NPAS2: variants seen among roughly 807,000 people sequenced by gnomAD.
NPAS2 encodes neuronal PAS domain-containing protein 2.
Under a neutral mutation model 107.5 loss-of-function variants are expected in NPAS2, and 23 were observed. The ratio of observed to expected loss-of-function variants is 0.21; its 90% CI spans 0.15 to 0.30. The LOEUF (loss-of-function observed/expected upper bound fraction) is 0.30. NPAS2 is among the 10% of genes least tolerant of loss of function. NPAS2 has a pLI of 1.00. For missense variants in NPAS2, 756 were observed against 1,043.3 expected (o/e 0.72, Z 3.79); for synonymous variants, 403 against 417.5 (o/e 0.97, Z 0.42).
At chr2:100,995,272 C>A in intron 20 of NPAS2, 128 bp from the exon 21 acceptor site, 1 of 773,572 alleles carries the variant, frequency 1.3e-6, no homozygotes, top group Non-Finnish European at 2.0e-6. Context: ...CCTCTCCCCA[C>A]ATGACCCCCC....
At chr2:100,889,073 ATGGACATTGAGAAAC>A (rs376812358) in intron 1 of NPAS2, among the ~76,000 whole-genome samples, 1 of 152,374 alleles carries the variant, frequency 6.6e-6, no homozygotes, top group African/African-American at 2.4e-5. Flanking sequence ...GAATATCTGA[ATGGACATTGAGAAAC>A]TGGAGATTTC....
intron 1 of NPAS2, among the ~76,000 whole-genome samples, chr2:100,822,375 G>A (rs1176140302): frequency 6.6e-6 from 1 of 152,058 alleles, no homozygotes; most frequent in Non-Finnish European, 1.5e-5. Flanking sequence ...AACAGTTTGG[G>A]CCCTTTAAAA....
At position 100,988,182 on chromosome 2, in the gene NPAS2, A is replaced by T. The variant is rs1487854359; in HGVS notation, c.1733A>T (p.Gln578Leu). 6.2e-7 allele frequency: 1 copy of T among 1,614,064 alleles called. No homozygotes were observed. The highest frequency in any genetic ancestry group is 1.3e-5 in the African/African-American group (1 of 74,932). ...AGGTCAGCTGCAGTGACTCAGCCCC[A>T]GCTCGGGGCGGGCCCCCAACTTCCA... The part of the protein sequence containing the change: ...QQRSAAVTQP[Q>L]LGAGPQLPGQ... Residue 578 changes from glutamine to leucine, a missense_variant, in exon 17 of 21, where the codon CAG becomes CTG. Transcript: ENST00000335681.
rs1184222829 is a variant in NPAS2, at chr2:100,965,654, G to C, written c.801-6G>C. 1 of 1,607,726 alleles carries C rather than the reference G, an allele frequency of 6.2e-7. No homozygotes were observed. The highest frequency in any genetic ancestry group is 1.7e-5 in the Admixed American group (1 of 59,982). ...CTGATGACAAGTCCTCCTTGTCCTT[G>C]TGCAGAGCACCTCCAATCATAGGAT... On this transcript the variant is annotated splice_polypyrimidine_tract_variant and splice_region_variant and intron_variant, in intron 9 of 20. Transcript: ENST00000335681. This position sits in a 1 kb window ranked among gnomAD's most constrained non-coding sequence, Gnocchi z 4.3.
intron 1 of NPAS2, among the ~76,000 whole-genome samples, chr2:100,895,057 C>A (rs188163727): frequency 6.6e-6 from 1 of 152,294 alleles, no homozygotes; most frequent in Non-Finnish European, 1.5e-5. Context: ...TTATCACTAG[C>A]TAGTCCAGTA....
Position 100,959,105 on chromosome 2 carries a change from A to C in NPAS2, c.599-4953A>C, listed in dbSNP as rs533172148. ...CCATCTCTTCAAAAAAAAAAAAAAAAAAAACAAAACTAAAATTAGCCAGGC... is the reference window on the plus strand; with the variant it reads ...CCATCTCTTCAAAAAAAAAAAAAAACAAAACAAAACTAAAATTAGCCAGGC... On this transcript the variant is annotated intron_variant, in intron 7 of 20. Coordinates refer to ENST00000335681, the MANE Select transcript of NPAS2 (RefSeq NM_002518.4). Among the ~76,000 whole-genome samples, 72 of 61,794 alleles carry C rather than the reference A, an allele frequency of 1.2e-3. 1 individual carries two copies. Among genetic ancestry groups the C allele is most frequent in the African/African-American group, 2.6e-3 (54 of 20,428 alleles). The allele number at this position is 61,794 out of a possible 152,430, so 40.5% of individuals were successfully genotyped here.
chr2:100,991,998 A>G (rs1330590576), intron 19 of NPAS2, among the ~76,000 whole-genome samples: 1 of 152,162 alleles, frequency 6.6e-6, no homozygotes, highest in East Asian at 1.9e-4. Flanking sequence ...ACAGGAGGGT[A>G]AGGAGGGACC....
At chr2:100,869,012 A>G (rs887084176) in intron 1 of NPAS2, among the ~76,000 whole-genome samples, 1 of 152,040 alleles carries the variant, frequency 6.6e-6, no homozygotes, top group East Asian at 1.9e-4. Flanking sequence ...GCTCGCTGCA[A>G]CCTTCTCCCA....
rs1676929778 is a variant in NPAS2, at chr2:100,975,544, C to T, written c.1369C>T (p.Leu457Phe). 6.2e-7 allele frequency: 1 copy of T among 1,612,336 alleles called. No individual in the cohort carries two copies. The highest frequency in any genetic ancestry group is 1.3e-5 in the African/African-American group (1 of 74,998). ...TLPQELPVPG[L>F]SQAATMPAPL... Reference sequence around the variant, plus strand: ...GCCCCAAGAGTTACCTGTCCCCGGGCTCAGCCAGGCAGCCACCATGCCGGT... The same window carrying T: ...GCCCCAAGAGTTACCTGTCCCCGGGTTCAGCCAGGCAGCCACCATGCCGGT... The change falls in exon 14 of 21, where the codon CTC becomes TTC. Residue 457 changes from leucine to phenylalanine, a missense_variant. By Grantham distance (22) the Leu-to-Phe change is conservative. Transcript: ENST00000335681.
intron 12 of NPAS2, among the ~76,000 whole-genome samples, chr2:100,972,467 G>A (rs974954319): frequency 6.6e-6 from 1 of 152,214 alleles, no homozygotes; most frequent in East Asian, 1.9e-4. Flanking sequence ...CACAGCAATG[G>A]TCCAGTCTTT....
intron 2 of NPAS2, among the ~76,000 whole-genome samples, chr2:100,911,370 T>TA (rs1261321985): frequency 6.6e-6 from 1 of 152,198 alleles, no homozygotes; most frequent in Non-Finnish European, 1.5e-5. Flanking sequence ...TTCTTATATA[T>TA]AAAAAATTCC....
At chr2:100,832,080 T>G (rs915703316) in intron 1 of NPAS2, among the ~76,000 whole-genome samples, 10 of 152,176 alleles carry the variant, frequency 6.6e-5, no homozygotes, top group African/African-American at 2.4e-4. Flanking sequence ...TGTGTGTGTG[T>G]GATTCTCATG....
chr2:100,925,028 T>G (rs1683471802), intron 2 of NPAS2, 118 bp from the exon 3 acceptor site: 1 of 1,116,220 alleles, frequency 9.0e-7, no homozygotes, highest in Non-Finnish European at 1.2e-6. Context: ...CCTGAAAGAG[T>G]TTTTTGATAA....
chr2:100,968,258 C>T lies in NPAS2; in HGVS notation c.908-23C>T, dbSNP rs764455170. On this transcript the variant is annotated intron_variant, in intron 10 of 20. Coordinates refer to ENST00000335681, the MANE Select transcript of NPAS2 (RefSeq NM_002518.4). The surrounding 1 kb of genome is among the most constrained non-coding windows in gnomAD (Gnocchi z 5.3). Reference sequence around the variant, plus strand: ...TTTTCATATTAACATTGGTTATATGCGGAATCCATTTTCTACCGACAGTGA... The same window carrying T: ...TTTTCATATTAACATTGGTTATATGTGGAATCCATTTTCTACCGACAGTGA... 2.5e-6 allele frequency: 4 copies of T among 1,610,672 alleles called. No homozygotes were observed. The South Asian group carries it at 3.3e-5, about 13-fold the overall frequency.
In NPAS2 at chr2:100,968,549, A is replaced by C; in HGVS notation, c.1055+121A>C. ...GTCACTCAGGTGTTCCCCATTTCGA[A>C]GATGAAGCCCAGGCCATCCCCTGCC... On this transcript the variant is annotated intron_variant, in intron 11 of 20. Coordinates refer to ENST00000335681, the MANE Select transcript of NPAS2 (RefSeq NM_002518.4). This position sits in a 1 kb window ranked among gnomAD's most constrained non-coding sequence, Gnocchi z 5.3. 1 of 944,172 alleles carries C rather than the reference A, an allele frequency of 1.1e-6. No homozygotes were observed. The highest frequency in any genetic ancestry group is 1.6e-5 in the South Asian group (1 of 61,312). 58.5% of individuals were successfully genotyped at this position (944,172 alleles called of 1,614,324 possible).
At chr2:100,986,002 G>A (rs1039162397) in intron 16 of NPAS2, 6 of 152,152 alleles carry the variant, frequency 3.9e-5, no homozygotes, top group African/African-American at 1.2e-4. Flanking sequence ...TGACTACTAG[G>A]TTTTTGCTGA....
At chr2:100,925,095 A>G in intron 2 of NPAS2, 51 bp from the exon 3 acceptor site, 1 of 1,553,600 alleles carries the variant, frequency 6.4e-7, no homozygotes, top group African/African-American at 1.4e-5. Context: ...TTCATCACAA[A>G]GCCTTTGTGA....
intron 3 of NPAS2, 122 bp from the exon 4 acceptor site, chr2:100,932,788 T>A (rs1487502809): frequency 1.5e-6 from 1 of 687,222 alleles, no homozygotes; most frequent in Non-Finnish European, 2.6e-6. Flanking sequence ...TTCTGCTGGC[T>A]TCTTAAATTA....
rs1379527106 is a variant in NPAS2 at position 100,948,315 on chromosome 2, T to C, written c.444T>C (p.His148=). ...HSEVYKILSS[H]MLVTDSPSPE... is the part of the protein sequence containing the mutation. ...AAGTTTATAAAATCCTTTCTTCCCA[T>C]ATGCTTGTGACGGATTCCCCCTCCC... is the stretch of plus-strand genomic sequence containing the variant. Residue 148 remains histidine (H), a synonymous_variant, in exon 6 of 21, where the codon CAT becomes CAC. Coordinates refer to ENST00000335681, the MANE Select transcript of NPAS2 (RefSeq NM_002518.4). 1.2e-6 allele frequency: 2 copies of C among 1,612,906 alleles called. No homozygotes were observed. The highest frequency in any genetic ancestry group is 4.5e-5 in the East Asian group (2 of 44,838).
Sources: gnomAD v4.1 joint callset for allele counts (sites outside exome capture counted in the v4.1 genomes callset) on GRCh38, gnomAD v4.1.1 for gene constraint, Gnocchi (gnomAD v3.1) non-coding constraint, MANE v1.5 for transcripts, NCBI Gene and HGNC (gene_info 2026-07-23, HGNC 2026-07-21) for gene names.